SLC39A11: variants seen among roughly 807,000 people sequenced by gnomAD.
The protein encoded by SLC39A11 is zinc transporter ZIP11.
A neutral mutation model predicts 36.1 loss-of-function variants in SLC39A11; 33 were observed. That is an observed-to-expected ratio of 0.91 (90% confidence interval 0.69 to 1.22). The LOEUF is 1.22. SLC39A11 is among the 50% of genes most tolerant of loss of function. The probability of loss-of-function intolerance (pLI) is 0.00; values close to 1 mark genes in which losing one functional copy is unlikely to be tolerated. For missense variants in SLC39A11, 432 were observed against 430.3 expected, an observed-to-expected ratio of 1.00 and a Z score of -0.03; for synonymous variants, 166 against 170.3, an observed-to-expected ratio of 0.97 and a Z score of 0.20.
intron 6 of SLC39A11, among the ~76,000 whole-genome samples, chr17:72,795,486 T>C (rs1050154466): frequency 1.3e-5 from 2 of 152,140 alleles, no homozygotes; most frequent in Non-Finnish European, 2.9e-5. Flanking sequence ...GCAACCAAGA[T>C]GGAAGCCACA....
intron 5 of SLC39A11, among the ~76,000 whole-genome samples, chr17:72,927,823 T>TACAC (rs1049083287): frequency 4.6e-5 from 7 of 150,588 alleles, no homozygotes; most frequent in African/African-American, 1.7e-4. Context: ...CACACACACA[T>TACAC]ACACACACAC....
intron 3 of SLC39A11, among the ~76,000 whole-genome samples, chr17:73,043,012 C>A (rs1057337873): frequency 2.7e-5 from 4 of 150,310 alleles, no homozygotes; most frequent in African/African-American, 7.4e-5. Context: ...CTGGGCGCTG[C>A]CTCCAGGAGC....
chr17:72,968,561 G>A (rs2087191282), intron 4 of SLC39A11, among the ~76,000 whole-genome samples: 1 of 152,176 alleles, frequency 6.6e-6, no homozygotes, highest in Non-Finnish European at 1.5e-5. Flanking sequence ...ATGTGCAGGT[G>A]GTGGACTAAG....
chr17:72,951,726 T>C lies in SLC39A11; in HGVS notation c.307-3851A>G, dbSNP rs150406586. 3.7e-3 allele frequency among the ~76,000 whole-genome samples: 564 copies of C among 152,294 alleles called. 6 individuals carry two copies. Among genetic ancestry groups the C allele is most frequent in the African/African-American group, 0.012 (515 of 41,572 alleles). On this transcript the variant is annotated intron_variant, in intron 4 of 9. Coordinates refer to ENST00000255559, the MANE Select transcript of SLC39A11 (RefSeq NM_139177.4). ...ATATAATACAGGCTGGTTTCTGGTT[T>C]GTGCCGGGTGATGTTCCAAGCATTT... is the stretch of plus-strand genomic sequence containing the variant.
chr17:73,024,902 G>C lies in SLC39A11; in HGVS notation c.306+6654C>G, dbSNP rs192543452. On this transcript the variant is annotated intron_variant, in intron 4 of 9. Transcript: ENST00000255559. ...TTTTTTTTTTTGTATTTTTGGTAGA[G>C]ACAGGGTTTCACCATGTTGGCCAGG... is the stretch of plus-strand genomic sequence containing the variant. Among the ~76,000 whole-genome samples, 269 of 123,120 alleles carry C rather than the reference G, an allele frequency of 2.2e-3. 1 individual carries two copies. Among genetic ancestry groups the C allele is most frequent in the African/African-American group, 7.8e-3 (260 of 33,458 alleles). 80.8% of individuals were successfully genotyped at this position (123,120 alleles called of 152,430 possible). A position where few individuals can be genotyped will look rare whatever the true frequency, so the allele number is the denominator to read the frequency against.
intron 6 of SLC39A11, among the ~76,000 whole-genome samples, chr17:72,794,684 C>T (rs1246366126): frequency 1.3e-5 from 2 of 151,992 alleles, no homozygotes; most frequent in Non-Finnish European, 2.9e-5. Context: ...CTGGGACACT[C>T]GCCTCCCTCT....
chr17:72,802,606 G>A (rs1482933042), intron 6 of SLC39A11, among the ~76,000 whole-genome samples: 2 of 139,670 alleles, frequency 1.4e-5, no homozygotes, highest in South Asian at 2.2e-4. Context: ...AAAAAAAAAA[G>A]AAAAGAAAAG....
chr17:72,960,376 T>A (rs1225136857), intron 4 of SLC39A11, among the ~76,000 whole-genome samples: 2 of 152,198 alleles, frequency 1.3e-5, no homozygotes, highest in Non-Finnish European at 2.9e-5. Context: ...GGTAGCCTCT[T>A]GTATACATAG....
intron 6 of SLC39A11, among the ~76,000 whole-genome samples, chr17:72,765,655 T>G (rs2075734519): frequency 6.6e-6 from 1 of 152,148 alleles, no homozygotes; most frequent in South Asian, 2.1e-4. Flanking sequence ...GCTGGGCACT[T>G]TCCTTTCAAA....
At chr17:73,038,554 A>G (rs1159725503) in intron 3 of SLC39A11, among the ~76,000 whole-genome samples, 1 of 150,670 alleles carries the variant, frequency 6.6e-6, no homozygotes, top group Non-Finnish European at 1.5e-5. Flanking sequence ...CAAAAAAAAA[A>G]AAAATAGCCA....
At chr17:72,669,096 A>G (rs1023065118) in intron 7 of SLC39A11, among the ~76,000 whole-genome samples, 11 of 152,244 alleles carry the variant, frequency 7.2e-5, no homozygotes, top group African/African-American at 2.4e-4. Context: ...TATTATATCA[A>G]TGTTAAATTT....
At chr17:72,674,641 A>G (rs189538397) in intron 7 of SLC39A11, among the ~76,000 whole-genome samples, 2 of 152,334 alleles carry the variant, frequency 1.3e-5, no homozygotes, top group East Asian at 3.9e-4. Flanking sequence ...GAAGGGTTGT[A>G]CCAATTTGCA....
chr17:72,782,845 T>A (rs1212838605), intron 6 of SLC39A11, among the ~76,000 whole-genome samples: 1 of 150,048 alleles, frequency 6.7e-6, no homozygotes. Flanking sequence ...CTACTAAACA[T>A]ACAAAAATTA....
chr17:72,969,961 G>A (rs1215763527), intron 4 of SLC39A11, among the ~76,000 whole-genome samples: 3 of 152,162 alleles, frequency 2.0e-5, no homozygotes, highest in African/African-American at 4.8e-5. Context: ...AGGCTGGTCC[G>A]GGGACCGAAG....
intron 5 of SLC39A11, among the ~76,000 whole-genome samples, chr17:72,904,469 A>G (rs7219995): frequency 0.49 from 73,749 of 151,934 alleles, 18,250 homozygotes; most frequent in East Asian, 0.72. Flanking sequence ...TATCAGCTTC[A>G]CTCTGGTCTG....
chr17:72,966,546 C>T (rs1038298663), intron 4 of SLC39A11, among the ~76,000 whole-genome samples: 13 of 147,846 alleles, frequency 8.8e-5, no homozygotes, highest in African/African-American at 2.7e-4. Context: ...GGAAAGGAAG[C>T]TTCATCTGTT....
At chr17:72,934,885 G>T (rs1012464394) in intron 5 of SLC39A11, among the ~76,000 whole-genome samples, 1 of 152,172 alleles carries the variant, frequency 6.6e-6, no homozygotes, top group Non-Finnish European at 1.5e-5. Context: ...AAACAAAAAA[G>T]TGATGAGGCC....
At chr17:72,934,922 T>A (rs1010943240) in intron 5 of SLC39A11, among the ~76,000 whole-genome samples, 2 of 152,178 alleles carry the variant, frequency 1.3e-5, no homozygotes, top group Non-Finnish European at 2.9e-5. Context: ...GCAGAGCAAC[T>A]AGAACTCTGC....
intron 7 of SLC39A11, among the ~76,000 whole-genome samples, chr17:72,684,097 C>T (rs1417963416): frequency 6.6e-6 from 1 of 152,124 alleles, no homozygotes; most frequent in Non-Finnish European, 1.5e-5. Context: ...CTCCTTCTGG[C>T]CCCTGGGGAG....
Sources: allele counts gnomAD v4.1 joint callset (sites outside exome capture counted in the v4.1 genomes callset), GRCh38; gene constraint gnomAD v4.1.1; transcripts MANE v1.5; gene names NCBI Gene and HGNC (gene_info 2026-07-23, HGNC 2026-07-21).